DGKI: variants seen among roughly 807,000 people sequenced by gnomAD.
DGKI encodes the protein DAG kinase iota.
A neutral mutation model predicts 147.5 loss-of-function variants in DGKI; 55 were observed. That is an observed-to-expected ratio of 0.37 (90% confidence interval 0.30 to 0.47). DGKI has a LOEUF of 0.47. DGKI is among the 20% of genes least tolerant of loss of function. The probability of loss-of-function intolerance (pLI) is 1.00; values close to 1 mark genes in which losing one functional copy is unlikely to be tolerated. For missense variants in DGKI, 1,007 were observed against 1,323.8 expected, an observed-to-expected ratio of 0.76 and a Z score of 3.71; for synonymous variants, 469 against 477.1, an observed-to-expected ratio of 0.98 and a Z score of 0.22.
At chr7:137,827,667 C>CT (rs1386807679) in intron 1 of DGKI, among the ~76,000 whole-genome samples, 2 of 152,224 alleles carry the variant, frequency 1.3e-5, no homozygotes, top group Non-Finnish European at 2.9e-5. Context: ...GCTGCTTTAC[C>CT]TTTGTTCAAG....
At chr7:137,798,209 C>G (rs940656396) in intron 1 of DGKI, among the ~76,000 whole-genome samples, 2 of 152,092 alleles carry the variant, frequency 1.3e-5, no homozygotes, top group Admixed American at 6.5e-5. Context: ...TTTAAAAGTT[C>G]TCACAATGGA....
At chr7:137,732,977 A>G (rs564468858) in intron 1 of DGKI, among the ~76,000 whole-genome samples, 5 of 152,100 alleles carry the variant, frequency 3.3e-5, no homozygotes, top group African/African-American at 1.2e-4. Context: ...GTCCCACTGA[A>G]CCAGCTCTCA....
At chr7:137,510,286 T>C (rs949404334) in intron 21 of DGKI, among the ~76,000 whole-genome samples, 25 of 152,372 alleles carry the variant, frequency 1.6e-4, no homozygotes, top group African/African-American at 6.0e-4. Flanking sequence ...TAATGTTGCA[T>C]GCAATAAAGT....
At chr7:137,436,560 G>A (rs2128913862) in intron 28 of DGKI, among the ~76,000 whole-genome samples, 1 of 152,184 alleles carries the variant, frequency 6.6e-6, no homozygotes, top group Non-Finnish European at 1.5e-5. Flanking sequence ...TCTGTAAAAT[G>A]AAAATAATAG....
intron 3 of DGKI, among the ~76,000 whole-genome samples, chr7:137,662,433 C>G (rs144028932): frequency 6.6e-6 from 1 of 151,956 alleles, no homozygotes; most frequent in Non-Finnish European, 1.5e-5. Flanking sequence ...TTAGTAGAGA[C>G]GGGGTTTCAC....
At chr7:137,567,056 G>A (rs1818610871) in intron 19 of DGKI, among the ~76,000 whole-genome samples, 1 of 127,442 alleles carries the variant, frequency 7.8e-6, no homozygotes, top group Admixed American at 7.7e-5. Context: ...CTTGAGGTCA[G>A]GAGTTCAAGA....
At chr7:137,393,142 A>AT (rs531246505) in intron 32 of DGKI, among the ~76,000 whole-genome samples, 51 of 152,120 alleles carry the variant, frequency 3.4e-4, no homozygotes, top group Non-Finnish European at 5.9e-4. Context: ...GTTTCCAGCA[A>AT]TTTTTTGCTT....
chr7:137,585,888 A>G (rs1819375778), intron 13 of DGKI, among the ~76,000 whole-genome samples: 1 of 152,158 alleles, frequency 6.6e-6, no homozygotes, highest in East Asian at 1.9e-4. Context: ...TTGAAGATCC[A>G]TTACTGACAG....
intron 16 of DGKI, 113 bp downstream of exon 16, chr7:137,578,157 T>C (rs1819053805): frequency 4.4e-6 from 3 of 684,990 alleles, no homozygotes; most frequent in South Asian, 1.9e-5. Flanking sequence ...TAGATAGACA[T>C]ATATAAATGA....
Position 137,640,558 on chromosome 7 carries a change from G to A in DGKI, c.804+4914C>T, listed in dbSNP as rs145142260. Among the ~76,000 whole-genome samples the A allele has an allele frequency of 6.0e-4, 91 of 152,160 alleles. 1 individual carries two copies. Among genetic ancestry groups the A allele is most frequent in the South Asian group, 8.3e-4 (4 of 4,818 alleles). On this transcript the variant is annotated intron_variant, in intron 6 of 32. Coordinates refer to ENST00000614521, the MANE Select transcript of DGKI (RefSeq NM_001321708.2). ...AGTGCATGGATCCTCACCCTTAAAC[G>A]TCCCTTCCTTGTCCTTAACCTTAAC...
chr7:137,439,443 G>A (rs1813409502), intron 28 of DGKI, among the ~76,000 whole-genome samples: 1 of 152,160 alleles, frequency 6.6e-6, no homozygotes, highest in Admixed American at 6.5e-5. Context: ...TGTCTTACAT[G>A]GTGGCAGGCA....
At chr7:137,503,350 T>C (rs1364273343) in intron 21 of DGKI, among the ~76,000 whole-genome samples, 1 of 152,194 alleles carries the variant, frequency 6.6e-6, no homozygotes, top group Non-Finnish European at 1.5e-5. Context: ...CACTGTGACT[T>C]GTTTTGCTAT....
intron 28 of DGKI, among the ~76,000 whole-genome samples, chr7:137,428,842 C>T (rs1474893203): frequency 2.0e-5 from 3 of 152,046 alleles, no homozygotes; most frequent in Non-Finnish European, 2.9e-5. Context: ...ATCCAACTTA[C>T]AAGGGATGCG....
At chr7:137,557,779 G>A (rs528249631) in intron 19 of DGKI, among the ~76,000 whole-genome samples, 1 of 152,100 alleles carries the variant, frequency 6.6e-6, no homozygotes, top group African/African-American at 2.4e-5. Flanking sequence ...CTCCTGGAGC[G>A]ATTCCCTTCT....
chr7:137,720,390 T>C (rs1218666067), intron 1 of DGKI, among the ~76,000 whole-genome samples: 2 of 151,414 alleles, frequency 1.3e-5, no homozygotes, highest in Non-Finnish European at 2.9e-5. Flanking sequence ...CCCGAGTGGC[T>C]GGGACCACAG....
At chr7:137,769,342 G>A (rs1484606349) in intron 1 of DGKI, among the ~76,000 whole-genome samples, 2 of 152,294 alleles carry the variant, frequency 1.3e-5, no homozygotes, top group South Asian at 2.1e-4. Context: ...TCAAAGAAAT[G>A]GGTTTCAAGT....
chr7:137,499,487 T>C (rs1044649411), intron 21 of DGKI, among the ~76,000 whole-genome samples: 10 of 152,130 alleles, frequency 6.6e-5, no homozygotes, highest in Admixed American at 5.2e-4. Context: ...CTTGTCAATG[T>C]GGGCAAGTGT....
chr7:137,467,294 T>TTG (rs1814696612), intron 24 of DGKI, among the ~76,000 whole-genome samples: 1 of 152,244 alleles, frequency 6.6e-6, no homozygotes, highest in Non-Finnish European at 1.5e-5. Context: ...TAAAACTTCT[T>TTG]ATACAGACTA....
intron 2 of DGKI, among the ~76,000 whole-genome samples, chr7:137,682,812 A>G (rs1404985048): frequency 6.6e-6 from 1 of 152,182 alleles, no homozygotes; most frequent in African/African-American, 2.4e-5. Context: ...TTACTGGTCA[A>G]TTGGGAAGTC....
Sources: allele counts gnomAD v4.1 joint callset (sites outside exome capture counted in the v4.1 genomes callset), GRCh38; gene constraint gnomAD v4.1.1; transcripts MANE v1.5; gene names NCBI Gene and HGNC (gene_info 2026-07-23, HGNC 2026-07-21).